Variants in PTPRD observed in about 807,000 individuals in gnomAD.
The protein encoded by PTPRD is receptor-type tyrosine-protein phosphatase delta.
In PTPRD, 34 loss-of-function variants were observed where a neutral mutation model predicts 214.5. The ratio of observed to expected loss-of-function variants is 0.16; its 90% confidence interval spans 0.12 to 0.21. The LOEUF (loss-of-function observed/expected upper bound fraction) is 0.21. PTPRD is among the 10% of genes least tolerant of loss of function. The pLI is 1.00. For synonymous variants in PTPRD, 1,128 were observed against 845.7 expected, an observed-to-expected ratio of 1.33 and a Z score of -5.79; for missense variants, 2,545 against 2,398.7, an observed-to-expected ratio of 1.06 and a Z score of -1.27.
intron 7 of PTPRD, among the ~76,000 whole-genome samples, chr9:9,711,233 T>A (rs1387842191): frequency 6.6e-6 from 1 of 152,192 alleles, no homozygotes; most frequent in Non-Finnish European, 1.5e-5. Flanking sequence ...AATGCAGTGA[T>A]GTGTTTGTGA....
At chr9:9,272,279 C>T (rs952663913) in intron 9 of PTPRD, among the ~76,000 whole-genome samples, 4 of 151,052 alleles carry the variant, frequency 2.6e-5, no homozygotes, top group Admixed American at 6.6e-5. Flanking sequence ...TATGCAGGCA[C>T]ACTTTAATTT....
intron 34 of PTPRD, among the ~76,000 whole-genome samples, chr9:8,443,029 C>T (rs918058344): frequency 2.6e-5 from 4 of 152,108 alleles, no homozygotes; most frequent in African/African-American, 9.7e-5. Flanking sequence ...CCTGTGGTCC[C>T]AGCTACTTGG....
intron 4 of PTPRD, among the ~76,000 whole-genome samples, chr9:9,956,751 T>C (rs1247236076): frequency 6.6e-6 from 1 of 152,144 alleles, no homozygotes. Context: ...GATCAATGTA[T>C]TAGCATTAAT....
chr9:8,870,106 A>G (rs1219318186), intron 11 of PTPRD, among the ~76,000 whole-genome samples: 1 of 149,730 alleles, frequency 6.7e-6, no homozygotes, highest in African/African-American at 2.5e-5. Context: ...TTGTGTTGGT[A>G]TATATCTCTT....
intron 10 of PTPRD, among the ~76,000 whole-genome samples, chr9:9,079,955 G>C (rs527646453): frequency 5.3e-5 from 8 of 152,018 alleles, no homozygotes; most frequent in Non-Finnish European, 7.4e-5. Context: ...AGTGTGCACA[G>C]TATGCTTGAT....
At position 10,134,756 on chromosome 9, in the gene PTPRD, C is replaced by G. The variant is rs567970502; in HGVS notation, c.-544-100966G>C. Among the ~76,000 whole-genome samples the G allele has an allele frequency of 3.9e-5, 6 of 152,190 alleles. No homozygotes were observed. The South Asian group carries it at 1.2e-3, about 32-fold the overall frequency. ...AAGCAACTGCGAAAAGATAAGGGAA[C>G]AGCATCCTTCTCAGATGAGGAAGAA... is the stretch of plus-strand genomic sequence containing the variant. On this transcript the variant is annotated intron_variant, in intron 3 of 45. Transcript: ENST00000381196.
intron 9 of PTPRD, among the ~76,000 whole-genome samples, chr9:9,324,570 A>T (rs199770510): frequency 6.6e-6 from 1 of 151,936 alleles, no homozygotes. Flanking sequence ...TGTTTAAGTT[A>T]TTTGTAGATT....
chr9:10,121,350 A>G (rs1277537694), intron 3 of PTPRD, among the ~76,000 whole-genome samples: 3 of 152,164 alleles, frequency 2.0e-5, no homozygotes, highest in Non-Finnish European at 4.4e-5. Context: ...TTGGAAGCAG[A>G]TTTATTTCCT....
chr9:8,543,347 A>G lies in PTPRD; in HGVS notation c.353-14568T>C, dbSNP rs72696609. 3.5e-3 allele frequency among the ~76,000 whole-genome samples: 530 copies of G among 152,342 alleles called. 1 individual carries two copies. Among genetic ancestry groups the G allele is most frequent in the African/African-American group, 4.4e-3 (184 of 41,580 alleles). On this transcript the variant is annotated intron_variant, in intron 14 of 45. Transcript: ENST00000381196. The stretch of plus-strand genomic sequence containing the variant: ...GCCTTGAATTCACTGGCATAGCAAC[A>G]TGACATAATCCACCAATCCCCCAAC...
chr9:10,481,241 T>A (rs896423305), intron 2 of PTPRD, among the ~76,000 whole-genome samples: 10 of 152,290 alleles, frequency 6.6e-5, no homozygotes, highest in Middle Eastern at 3.4e-3. Flanking sequence ...GAATGTCATT[T>A]GGGTGAGGGG....
At chr9:9,439,286 C>T (rs960738410) in intron 8 of PTPRD, among the ~76,000 whole-genome samples, 3 of 151,940 alleles carry the variant, frequency 2.0e-5, no homozygotes, top group Non-Finnish European at 2.9e-5. Flanking sequence ...TACAGCACCC[C>T]ACTTATTAGA....
At chr9:10,379,172 ATACTTT>A (rs893339015) in intron 2 of PTPRD, among the ~76,000 whole-genome samples, 88 of 151,634 alleles carry the variant, frequency 5.8e-4, no homozygotes, top group African/African-American at 2.1e-3. Context: ...TACTATTATT[ATACTTT>A]AAGTTTTAGG....
intron 5 of PTPRD, among the ~76,000 whole-genome samples, chr9:9,870,560 G>A (rs1187744330): frequency 6.6e-6 from 1 of 151,768 alleles, no homozygotes; most frequent in Non-Finnish European, 1.5e-5. Flanking sequence ...ACAAAATATT[G>A]TTGAGATAAT....
chr9:9,381,708 GTT>G (rs1413113256), intron 9 of PTPRD, among the ~76,000 whole-genome samples: 3 of 87,616 alleles, frequency 3.4e-5, no homozygotes, highest in African/African-American at 1.2e-4. Context: ...TTTGTTTTTT[GTT>G]TTTGTTTTTT....
intron 12 of PTPRD, among the ~76,000 whole-genome samples, chr9:8,730,187 C>T (rs982435821): frequency 2.0e-5 from 3 of 151,948 alleles, no homozygotes; most frequent in African/African-American, 4.8e-5. Flanking sequence ...ACCCAGGAGG[C>T]GGAGCTTGCA....
At chr9:9,508,223 T>C (rs1439287840) in intron 8 of PTPRD, among the ~76,000 whole-genome samples, 2 of 151,500 alleles carry the variant, frequency 1.3e-5, no homozygotes, top group Non-Finnish European at 3.0e-5. Flanking sequence ...TTTAAATTTG[T>C]GGTTTGGAAC....
intron 11 of PTPRD, among the ~76,000 whole-genome samples, chr9:8,871,035 C>A (rs1053189967): frequency 9.2e-5 from 14 of 152,182 alleles, no homozygotes; most frequent in African/African-American, 2.9e-4. Context: ...TCCCTGTTTT[C>A]TGTCTTATAC....
chr9:10,176,877 T>C (rs16931228), intron 3 of PTPRD, among the ~76,000 whole-genome samples: 3,628 of 152,026 alleles, frequency 0.024, 241 homozygotes, highest in Admixed American at 0.14. Flanking sequence ...GTGAGTGGGA[T>C]CAGTTTTTCT....
In PTPRD at chr9:10,467,180, A is replaced by G. The variant is rs547382219; in HGVS notation, c.-599-126163T>C. Among the ~76,000 whole-genome samples, 6 of 152,274 alleles carry G rather than the reference A, an allele frequency of 3.9e-5. No individual in the cohort carries two copies. In the East Asian group the frequency reaches 5.8e-4, roughly 15 times the overall value. On this transcript the variant is annotated intron_variant, in intron 2 of 45. Transcript: ENST00000381196. ...CAGAGTACAGTGAGAAGAGTATACA[A>G]TTTCACTACTTATGGGGGCAGATAA...
Sources: gnomAD v4.1 joint callset for allele counts (sites outside exome capture counted in the v4.1 genomes callset) on GRCh38, gnomAD v4.1.1 for gene constraint, MANE v1.5 for transcripts, NCBI Gene and HGNC (gene_info 2026-07-23, HGNC 2026-07-21) for gene names.